Variants in PFKL observed in about 807,000 individuals in gnomAD.
PFKL encodes phosphofructokinase, liver type.
Under a neutral mutation model 92.1 loss-of-function variants are expected in PFKL, and 74 were observed. The observed-to-expected ratio is 0.80, with a 90% CI of 0.67 to 0.97. The LOEUF (loss-of-function observed/expected upper bound fraction) is 0.97, where lower values mean the gene tolerates loss of function less well. Among genes scored for constraint, PFKL ranks in the 50% least tolerant of loss-of-function variants. The pLI, the probability that PFKL is intolerant of heterozygous loss-of-function variation, is 0.00. For synonymous variants in PFKL, 494 were observed against 456.4 expected (o/e 1.08, Z -1.05); for missense variants, 1,028 against 1,116.6 (o/e 0.92, Z 1.13).
chr21:44,303,691 TC>T (rs1309407336), intron 1 of PFKL, among the ~76,000 whole-genome samples: 1 of 152,152 alleles, frequency 6.6e-6, no homozygotes, highest in Non-Finnish European at 1.5e-5. Flanking sequence ...CATGCTTACA[TC>T]CTTAGCTGAT....
At chr21:44,325,074 G>A (rs2047463595) in intron 18 of PFKL, 79 bp from the exon 19 acceptor site, 3 of 1,227,540 alleles carry the variant, frequency 2.4e-6, no homozygotes, top group East Asian at 2.4e-5. Context: ...CCTCTCCCAG[G>A]CCTGGCCCAG....
intron 2 of PFKL, among the ~76,000 whole-genome samples, chr21:44,309,783 C>T (rs2041062946): frequency 6.6e-6 from 1 of 152,194 alleles, no homozygotes; most frequent in Non-Finnish European, 1.5e-5. Context: ...CTGGCCTGAG[C>T]CGGAGGAAGT....
chr21:44,306,981 G>A (rs957924113), intron 2 of PFKL, among the ~76,000 whole-genome samples: 1 of 152,208 alleles, frequency 6.6e-6, no homozygotes, highest in Non-Finnish European at 1.5e-5. Context: ...AGGCTCAGAG[G>A]CTGCAGAGCA....
chr21:44,323,655 G>C, intron 15 of PFKL, 111 bp from the exon 16 acceptor site: 3 of 1,191,918 alleles, frequency 2.5e-6, no homozygotes, highest in Non-Finnish European at 3.5e-6. Flanking sequence ...CCAGCACGGG[G>C]CACATGACAG....
In PFKL at chr21:44,327,007, T is replaced by C. The variant is rs567056051; in HGVS notation, c.*145T>C. ...TCAGCCCATCCCCTGCCTCTATCCCTGGCCACCTGCCAGGCCTCCCTCGGG... is the reference window on the plus strand; with the variant it reads ...TCAGCCCATCCCCTGCCTCTATCCCCGGCCACCTGCCAGGCCTCCCTCGGG... On this transcript the variant is annotated 3_prime_UTR_variant, in exon 22 of 22. Coordinates refer to ENST00000349048, the MANE Select transcript of PFKL (RefSeq NM_002626.6). The C allele has an allele frequency of 7.6e-5, 55 of 726,896 alleles. No individual in the cohort carries two copies. The African/African-American group carries it at 7.8e-4, about 10-fold the overall frequency. The allele number at this position is 726,896 out of a possible 1,614,324, so 45.0% of individuals were successfully genotyped here.
intron 3 of PFKL, among the ~76,000 whole-genome samples, 170 bp from the exon 4 acceptor site, chr21:44,311,935 G>A (rs78931138): frequency 0.014 from 2,119 of 152,262 alleles, 26 homozygotes; most frequent in Non-Finnish European, 0.02. Context: ...AAGGAGAGAG[G>A]CCCAGGGAGG....
chr21:44,309,933 A>G, intron 2 of PFKL, among the ~76,000 whole-genome samples: 1 of 152,214 alleles, frequency 6.6e-6, no homozygotes, highest in East Asian at 1.9e-4. Context: ...CGCAGCGCGC[A>G]CTATCCCTTG....
chr21:44,309,852 C>T (rs1228369023), intron 2 of PFKL, among the ~76,000 whole-genome samples: 2 of 152,236 alleles, frequency 1.3e-5, no homozygotes, highest in Non-Finnish European at 2.9e-5. Flanking sequence ...GTCCCCCAGC[C>T]CAGCTGGTGG....
In PFKL at chr21:44,314,175, G is replaced by T. The variant is rs185330730; in HGVS notation, c.747+154G>T. On this transcript the variant is annotated intron_variant, in intron 7 of 21. Coordinates refer to ENST00000349048, the MANE Select transcript of PFKL (RefSeq NM_002626.6). ...CTTGGGGGCGGGACACGCAAGGAGT[G>T]GGGGGCTACGGGGCTGACCTCAGTG... The T allele has an allele frequency of 9.8e-4, 610 of 624,774 alleles. 4 individuals are homozygous for T. The highest frequency in any genetic ancestry group is 6.3e-3 in the African/African-American group (348 of 54,812). The allele number at this position is 624,774 out of a possible 1,614,324, so 38.7% of individuals were successfully genotyped here.
At chr21:44,318,911 G>A (rs760097426) in intron 10 of PFKL, among the ~76,000 whole-genome samples, 26 of 152,176 alleles carry the variant, frequency 1.7e-4, no homozygotes, top group Non-Finnish European at 3.4e-4. Flanking sequence ...TGGGACGGAG[G>A]AGGAGGGGCC....
chr21:44,321,681 G>T, intron 12 of PFKL, 48 bp from the exon 13 acceptor site: 4 of 1,472,054 alleles, frequency 2.7e-6, no homozygotes, highest in Non-Finnish European at 3.6e-6. Flanking sequence ...CAGGTTGGGG[G>T]TCCCCTCCCC....
At chr21:44,325,346 TCACGGG>T (rs1175352055) in intron 19 of PFKL, 82 bp downstream of exon 19, 2 of 974,370 alleles carry the variant, frequency 2.1e-6, no homozygotes, top group Non-Finnish European at 3.3e-6. Context: ...GTCCCAGCCC[TCACGGG>T]CACCCACGGG....
At chr21:44,308,084 GC>G (rs2041004216) in intron 2 of PFKL, among the ~76,000 whole-genome samples, 2 of 152,192 alleles carry the variant, frequency 1.3e-5, no homozygotes, top group African/African-American at 4.8e-5. Context: ...GCAGCGTGAG[GC>G]CCTCGGAGGT....
chr21:44,306,826 T>C, intron 2 of PFKL, 72 bp downstream of exon 2: 2 of 1,343,214 alleles, frequency 1.5e-6, no homozygotes, highest in African/African-American at 2.9e-5. Context: ...GTGTGTTCTG[T>C]GTGGGTCACA....
intron 1 of PFKL, among the ~76,000 whole-genome samples, chr21:44,302,398 C>G (rs889360745): frequency 6.6e-6 from 1 of 152,218 alleles, no homozygotes; most frequent in Admixed American, 6.5e-5. Flanking sequence ...ATGGGAGGAA[C>G]TGACATTCTG....
rs1436275814 is a variant in PFKL, at chr21:44,325,157, G to A, written c.1882G>A (p.Glu628Lys). ...AGGCCCTGCTGCCCCTCTCAGGAAC[G>A]AGAAGTGCCATGACTACTACACCAC... ...DIQRGLVLRN[E>K]KCHDYYTTEF... is the part of the protein sequence containing the mutation. The change falls in exon 19 of 22, where the codon GAG (glutamate) becomes AAG (lysine). Residue 628 changes from glutamate (E) to lysine (K), a missense_variant. Glu to Lys is a moderately conservative substitution (Grantham distance 56). Coordinates refer to ENST00000349048, the MANE Select transcript of PFKL (RefSeq NM_002626.6). 8 of 1,608,582 alleles carry A rather than the reference G, an allele frequency of 5.0e-6. No individual in the cohort carries two copies. The highest frequency in any genetic ancestry group is 5.1e-6 in the Non-Finnish European group (6 of 1,175,802).
chr21:44,312,043 G>A (rs1257422112), intron 3 of PFKL, 62 bp from the exon 4 acceptor site: 4 of 1,315,482 alleles, frequency 3.0e-6, no homozygotes, highest in Non-Finnish European at 4.0e-6. Context: ...TCCCTCTGGT[G>A]ATCCCCAGGG....
At chr21:44,318,439 T>G (rs1423325102) in intron 9 of PFKL, 31 bp from the exon 10 acceptor site, 3 of 1,462,436 alleles carry the variant, frequency 2.1e-6, no homozygotes, top group Middle Eastern at 3.7e-4. Context: ...AGGGACCAAG[T>G]GGGTGTGCCA....
intron 7 of PFKL, chr21:44,315,367 T>G (rs927928591): frequency 1.3e-5 from 2 of 152,470 alleles, no homozygotes; most frequent in African/African-American, 4.8e-5. Context: ...CCACCCAGGG[T>G]GCACTGGGGC....
Sources: allele counts gnomAD v4.1 joint callset (sites outside exome capture counted in the v4.1 genomes callset), GRCh38; gene constraint gnomAD v4.1.1; transcripts MANE v1.5; gene names NCBI Gene and HGNC (gene_info 2026-07-23, HGNC 2026-07-21).